The following MICALL1 variants were observed in gnomAD, a reference collection of about 807,000 sequenced individuals.
MICALL1 encodes MICAL-like protein 1.
A neutral mutation model predicts 83.7 loss-of-function variants in MICALL1; 61 were observed. The observed-to-expected ratio is 0.73, with a 90% confidence interval of 0.59 to 0.90. The LOEUF (loss-of-function observed/expected upper bound fraction) is 0.90, where lower values mean the gene tolerates loss of function less well. Ranked by LOEUF, MICALL1 falls within the 40% of genes least tolerant of loss-of-function variation. MICALL1 has a pLI of 0.00. For missense variants in MICALL1, 1,066 were observed against 1,152.0 expected (o/e 0.93, Z 1.08); for synonymous variants, 481 against 473.6 (o/e 1.02, Z -0.20).
intron 13 of MICALL1, 138 bp from the exon 14 acceptor site, chr22:37,936,942 C>T (rs1930160423): frequency 9.1e-6 from 6 of 660,536 alleles, no homozygotes; most frequent in Non-Finnish European, 1.5e-5. Flanking sequence ...TATCGGGGCC[C>T]TTCCTTTCTG....
intron 13 of MICALL1, among the ~76,000 whole-genome samples, chr22:37,933,721 T>G (rs529691086): frequency 1.3e-5 from 2 of 152,238 alleles, no homozygotes; most frequent in Admixed American, 6.5e-5. Context: ...CCCAGGACTA[T>G]GGAGATTCCA....
chr22:37,920,521 A>G (rs1928961282), intron 5 of MICALL1, among the ~76,000 whole-genome samples: 1 of 151,996 alleles, frequency 6.6e-6, no homozygotes, highest in African/African-American at 2.4e-5. Context: ...TCATGCCTAT[A>G]ATCCCAGCAC....
At chr22:37,939,667 G>A (rs1006907983) in intron 15 of MICALL1, among the ~76,000 whole-genome samples, 5 of 151,910 alleles carry the variant, frequency 3.3e-5, no homozygotes, top group Admixed American at 2.0e-4. Flanking sequence ...CCAGCTACTC[G>A]GGAGGCTGAG....
chr22:37,914,048 G>T (rs1302095923), intron 3 of MICALL1, among the ~76,000 whole-genome samples: 1 of 151,762 alleles, frequency 6.6e-6, no homozygotes, highest in Non-Finnish European at 1.5e-5. Context: ...GCTAATTTTT[G>T]TATTTTTAGT....
chr22:37,914,732 C>T (rs1928570331), intron 3 of MICALL1, among the ~76,000 whole-genome samples: 1 of 151,792 alleles, frequency 6.6e-6, no homozygotes, highest in South Asian at 2.1e-4. Flanking sequence ...CCTCAACCTT[C>T]CTGGGCTGCG....
chr22:37,906,431 G>A lies in MICALL1; in HGVS notation c.9G>A (p.Gly3=). Residue 3 remains glycine (G), a synonymous_variant, in exon 1 of 16, where the codon GGG becomes GGA. Transcript: ENST00000215957. The surrounding 1 kb of genome is among the most constrained non-coding windows in gnomAD (Gnocchi z 4.4). Reference sequence around the variant, plus strand: ...GGGCGGGCCGCGGGGTCATGGCTGGGCCGCGGGGCGCGCTGCTGGCCTGGT... The same window carrying A: ...GGGCGGGCCGCGGGGTCATGGCTGGACCGCGGGGCGCGCTGCTGGCCTGGT... MA[G]PRGALLAWCR... 1 of 1,152,912 alleles carries A rather than the reference G, an allele frequency of 8.7e-7. No individual in the cohort carries two copies. Among genetic ancestry groups the A allele is most frequent in the Non-Finnish European group, 1.1e-6 (1 of 937,334 alleles). The allele number at this position is 1,152,912 out of a possible 1,614,324, so 71.4% of individuals were successfully genotyped here.
rs147171991 is a variant in MICALL1, at chr22:37,937,159, C to T, written c.2388C>T (p.Asn796=). The T allele has an allele frequency of 5.3e-5, 82 of 1,551,176 alleles. No homozygotes were observed. The African/African-American group carries it at 5.8e-4, about 11-fold the overall frequency. Residue 796 remains asparagine (N), a synonymous_variant, in exon 14 of 16, where the codon AAC becomes AAT. Transcript: ENST00000215957. Reference sequence around the variant, plus strand: ...TTGTGACCCTCATTGAGCAGCGCAACGCTATCATCAACTGCCTGGATGAGG... The same window carrying T: ...TTGTGACCCTCATTGAGCAGCGCAATGCTATCATCAACTGCCTGGATGAGG... ...QELVTLIEQR[N]AIINCLDEDR... is the part of the protein sequence containing the mutation.
At chr22:37,927,325 G>A (rs772583341) in intron 8 of MICALL1, 86 bp from the exon 9 acceptor site, 42 of 1,405,920 alleles carry the variant, frequency 3.0e-5, no homozygotes, top group Non-Finnish European at 3.8e-5. Flanking sequence ...GCTGCCTGCG[G>A]CTCTGTTGAG....
At chr22:37,918,680 G>A (rs1928826935) in intron 4 of MICALL1, among the ~76,000 whole-genome samples, 1 of 152,244 alleles carries the variant, frequency 6.6e-6, no homozygotes, top group Admixed American at 6.5e-5. Context: ...CCCGCAAAGG[G>A]GAGGAGGAGG....
intron 6 of MICALL1, among the ~76,000 whole-genome samples, chr22:37,923,925 C>T (rs1459329305): frequency 6.6e-6 from 1 of 152,108 alleles, no homozygotes; most frequent in Non-Finnish European, 1.5e-5. Context: ...GCAGTGGAGA[C>T]CCCTGGCCCA....
In MICALL1 at chr22:37,930,709, G is replaced by T. The variant is rs111638587; in HGVS notation, c.1882-1090G>T. On this transcript the variant is annotated intron_variant, in intron 9 of 15. Coordinates refer to ENST00000215957, the MANE Select transcript of MICALL1 (RefSeq NM_033386.4). This position sits in a 1 kb window ranked among gnomAD's most constrained non-coding sequence, Gnocchi z 4.8. ...TGTGCTGGCCTCAGAGAGGGCGGGGGTCTCCCCAGAGGCACGGAAGGATGC... is the reference window on the plus strand; with the variant it reads ...TGTGCTGGCCTCAGAGAGGGCGGGGTTCTCCCCAGAGGCACGGAAGGATGC... Among the ~76,000 whole-genome samples, 504 of 152,346 alleles carry T rather than the reference G, an allele frequency of 3.3e-3. 1 individual carries two copies. The highest frequency in any genetic ancestry group is 0.011 in the African/African-American group (473 of 41,594).
In MICALL1 at chr22:37,912,336, C is replaced by G. The variant is rs746624586; in HGVS notation, c.196-15C>G. On this transcript the variant is annotated splice_polypyrimidine_tract_variant and intron_variant, in intron 2 of 15. Coordinates refer to ENST00000215957, the MANE Select transcript of MICALL1 (RefSeq NM_033386.4). ...GCTTCGGCTGCTCCCGCCCTTGTACCTGTCACCACCCCAGGCCTTTGAAGT... is the reference window on the plus strand; with the variant it reads ...GCTTCGGCTGCTCCCGCCCTTGTACGTGTCACCACCCCAGGCCTTTGAAGT... 8 of 1,599,366 alleles carry G rather than the reference C, an allele frequency of 5.0e-6. No homozygotes were observed. In the Admixed American group the frequency reaches 1.4e-4, roughly 27 times the overall value.
intron 3 of MICALL1, among the ~76,000 whole-genome samples, chr22:37,916,013 A>G (rs1928653774): frequency 6.6e-6 from 1 of 150,802 alleles, no homozygotes; most frequent in African/African-American, 2.4e-5. Context: ...TAGAATCGCA[A>G]TTCAGCCTTA....
intron 1 of MICALL1, among the ~76,000 whole-genome samples, chr22:37,908,247 G>C (rs889617857): frequency 6.6e-6 from 1 of 151,732 alleles, no homozygotes; most frequent in African/African-American, 2.4e-5. Flanking sequence ...GAGATAACAA[G>C]CATTCATTTA....
At position 37,927,516 on chromosome 22, in the gene MICALL1, G is replaced by A. The variant is rs1441820214; in HGVS notation, c.1571G>A (p.Gly524Asp). 63 of 1,613,142 alleles carry A rather than the reference G, an allele frequency of 3.9e-5. No homozygotes were observed. Among genetic ancestry groups the A allele is most frequent in the Non-Finnish European group, 5.3e-5 (63 of 1,179,296 alleles). ...TCTGAGAGCGCCAGCCAGACTGCAG[G>A]TGCAGAGCTTCTGGAGCCGCCAGCT... The part of the protein sequence containing the change: ...LSSESASQTA[G>D]AELLEPPAVP... Residue 524 changes from glycine to aspartate, a missense_variant, in exon 9 of 16, where the codon GGT becomes GAT. Physicochemically the swap from Gly to Asp is moderately conservative, Grantham distance 94 (BLOSUM62 -1). Coordinates refer to ENST00000215957, the MANE Select transcript of MICALL1 (RefSeq NM_033386.4).
chr22:37,937,328 T>C, intron 14 of MICALL1, 134 bp downstream of exon 14: 1 of 679,582 alleles, frequency 1.5e-6, no homozygotes, highest in Non-Finnish European at 2.4e-6. Context: ...CCTGCCCTCC[T>C]ACCAGCGATC....
At chr22:37,912,097 C>A in intron 2 of MICALL1, 97 bp downstream of exon 2, 1 of 1,429,692 alleles carries the variant, frequency 7.0e-7, no homozygotes, top group Non-Finnish European at 9.9e-7. Flanking sequence ...TGCACGGTGG[C>A]TGCCCTTGTA....
chr22:37,907,099 T>C, intron 1 of MICALL1: 1 of 152,604 alleles, frequency 6.6e-6, no homozygotes, highest in Non-Finnish European at 1.5e-5. Context: ...AGAGGAGACC[T>C]CGGCTAACAG....
intron 6 of MICALL1, 151 bp downstream of exon 6, chr22:37,922,577 T>TTATATATATATATATATATATA (rs1396419615): frequency 2.6e-5 from 3 of 115,148 alleles, no homozygotes; most frequent in African/African-American, 2.2e-4. Flanking sequence ...TTTGAGGTTA[T>TTATATATATATATATATATATA]TATATATATA....
Sources: gnomAD v4.1 joint callset for allele counts (sites outside exome capture counted in the v4.1 genomes callset) on GRCh38, gnomAD v4.1.1 for gene constraint, Gnocchi (gnomAD v3.1) non-coding constraint, MANE v1.5 for transcripts, NCBI Gene and HGNC (gene_info 2026-07-23, HGNC 2026-07-21) for gene names.